UGT1A6: variants seen among roughly 807,000 people sequenced by gnomAD.
UGT1A6 encodes the protein UDP-glucuronosyltransferase 1A6.
UGT1A6 carries 32 observed loss-of-function variants against 44.4 expected under a neutral mutation model. The observed-to-expected ratio is 0.72, with a 90% CI of 0.54 to 0.97. The LOEUF is 0.97. UGT1A6 is among the 50% of genes least tolerant of loss of function. The probability of loss-of-function intolerance (pLI) is 0.00; values close to 1 mark genes in which losing one functional copy is unlikely to be tolerated. For synonymous variants in UGT1A6, 238 were observed against 248.5 expected (o/e 0.96, Z 0.40); for missense variants, 685 against 661.9 (o/e 1.03, Z -0.38).
At chr2:233,713,971 G>C (rs1303952104) in intron 1 of UGT1A6, 1 of 1,600,252 alleles carries the variant, frequency 6.2e-7, no homozygotes, top group Non-Finnish European at 8.5e-7. Flanking sequence ...TTTCATTTCT[G>C]CTTCTCATTG....
chr2:233,773,246 T>C lies in UGT1A6; in HGVS notation c.*687T>C, dbSNP rs1484380021. 6.6e-6 allele frequency: 1 copy of C among 152,366 alleles called. No homozygotes were observed. The highest frequency in any genetic ancestry group is 6.5e-5 in the Admixed American group (1 of 15,284). The allele number at this position is 152,366 out of a possible 1,614,324, so 9.4% of individuals were successfully genotyped here. The stretch of plus-strand genomic sequence containing the variant: ...TATGAAGTGCTGGGCAAGTTTACTT[T>C]TTTTCTGATGTTTCCTACAACTAAA... On this transcript the variant is annotated 3_prime_UTR_variant, in exon 5 of 5. Coordinates refer to ENST00000305139, the MANE Select transcript of UGT1A6 (RefSeq NM_001072.4).
At chr2:233,744,255 T>C (rs1692752332) in intron 1 of UGT1A6, among the ~76,000 whole-genome samples, 1 of 151,806 alleles carries the variant, frequency 6.6e-6, no homozygotes, top group African/African-American at 2.4e-5. Flanking sequence ...CCTGAAGAAC[T>C]GTTTTTCTTA....
intron 1 of UGT1A6, chr2:233,722,212 AT>A (rs2077000405): frequency 6.5e-6 from 1 of 153,656 alleles, no homozygotes; most frequent in African/African-American, 2.4e-5. Context: ...ATGAAAGATC[AT>A]TTACACCAAA....
At chr2:233,738,536 G>A (rs919833416) in intron 1 of UGT1A6, among the ~76,000 whole-genome samples, 2 of 152,222 alleles carry the variant, frequency 1.3e-5, no homozygotes, top group Non-Finnish European at 2.9e-5. Context: ...TGAAGTCCAG[G>A]CTGAGTCTCA....
intron 1 of UGT1A6, among the ~76,000 whole-genome samples, chr2:233,710,956 G>C (rs953635431): frequency 6.6e-6 from 1 of 152,214 alleles, no homozygotes. Context: ...ATGTCTCTGA[G>C]ATTGGCAGAG....
chr2:233,698,504 T>C (rs2125575821), intron 1 of UGT1A6, among the ~76,000 whole-genome samples: 2 of 152,244 alleles, frequency 1.3e-5, no homozygotes, highest in East Asian at 1.9e-4. Flanking sequence ...ATTAGGCAAA[T>C]CACATAATCG....
rs370892808 is a variant in UGT1A6, at chr2:233,760,466, T to C, written c.862-6568T>C. The stretch of plus-strand genomic sequence containing the variant: ...CAGAGGGGACATGAAATAGTTGTCC[T>C]AGCACCTGACGCCTCGTTGTACATC... On this transcript the variant is annotated intron_variant, in intron 1 of 4. Transcript: ENST00000305139. The C allele has an allele frequency of 1.9e-6, 3 of 1,614,232 alleles. No homozygotes were observed. The highest frequency in any genetic ancestry group is 1.7e-6 in the Non-Finnish European group (2 of 1,180,032).
chr2:233,713,745 G>C, intron 1 of UGT1A6: 1 of 1,613,988 alleles, frequency 6.2e-7, no homozygotes, highest in African/African-American at 1.3e-5. Flanking sequence ...TGTCAGCCAT[G>C]CATCTGTGTG....
Position 233,738,328 on chromosome 2 carries a change from T to C in UGT1A6, c.862-28706T>C, listed in dbSNP as rs1690764022. 1.3e-5 allele frequency among the ~76,000 whole-genome samples: 2 copies of C among 152,220 alleles called. 1 individual carries two copies. Among genetic ancestry groups the C allele is most frequent in the South Asian group, 4.1e-4 (2 of 4,828 alleles). On this transcript the variant is annotated intron_variant, in intron 1 of 4. Coordinates refer to ENST00000305139, the MANE Select transcript of UGT1A6 (RefSeq NM_001072.4). ...TTATAGCAGTGTGTGAATGGACTAA[T>C]ACAGTAAATTGGTGTCATGGAGAGT...
At chr2:233,726,426 T>C (rs554048011) in intron 1 of UGT1A6, among the ~76,000 whole-genome samples, 1 of 152,328 alleles carries the variant, frequency 6.6e-6, no homozygotes, top group East Asian at 1.9e-4. Flanking sequence ...TTCTGTCCAC[T>C]CTTAATCTTA....
chr2:233,734,413 C>G (rs1324994664), intron 1 of UGT1A6, among the ~76,000 whole-genome samples: 1 of 152,086 alleles, frequency 6.6e-6, no homozygotes, highest in Non-Finnish European at 1.5e-5. Flanking sequence ...ATTCTTCTCT[C>G]TTTTCTTCTT....
chr2:233,742,752 T>C (rs1692089245), intron 1 of UGT1A6: 2 of 152,902 alleles, frequency 1.3e-5, no homozygotes, highest in Admixed American at 1.3e-4. Flanking sequence ...CTCCAAAATA[T>C]TAAGATAATA....
At chr2:233,730,195 G>T (rs1056966798) in intron 1 of UGT1A6, among the ~76,000 whole-genome samples, 6 of 152,186 alleles carry the variant, frequency 3.9e-5, no homozygotes, top group Admixed American at 6.5e-5. Context: ...TCACTGAGAG[G>T]AAGAGGAAGT....
At position 233,769,829 on chromosome 2, in the gene UGT1A6, A is replaced by C; in HGVS notation, c.1301+1390A>C. 1.4e-6 allele frequency: 1 copy of C among 707,246 alleles called. No homozygotes were observed. Among genetic ancestry groups the C allele is most frequent in the East Asian group, 3.2e-5 (1 of 31,212 alleles). The allele number at this position is 707,246 out of a possible 1,614,324, so 43.8% of individuals were successfully genotyped here. On this transcript the variant is annotated intron_variant, in intron 4 of 4. Transcript: ENST00000305139. This position sits in a 1 kb window ranked among gnomAD's most constrained non-coding sequence, Gnocchi z 4.4. ...GTGATCATGCCACTGCACTCCAGCA[A>C]CCTGGGCAACAGAGTGAGACCCTGT...
chr2:233,755,373 C>T (rs534555830), intron 1 of UGT1A6: 63 of 357,550 alleles, frequency 1.8e-4, no homozygotes, highest in Non-Finnish European at 2.9e-4. Flanking sequence ...GCCTGGAGGG[C>T]CGCCCCTTAT....
intron 2 of UGT1A6, 41 bp downstream of exon 2, chr2:233,767,206 A>G: frequency 1.9e-6 from 3 of 1,613,184 alleles, no homozygotes; most frequent in Non-Finnish European, 2.5e-6. Context: ...CTATTTTCAC[A>G]GGAGCGCTAA....
intron 1 of UGT1A6, among the ~76,000 whole-genome samples, chr2:233,706,039 G>A (rs2075885693): frequency 6.6e-6 from 1 of 152,158 alleles, no homozygotes; most frequent in South Asian, 2.1e-4. Flanking sequence ...AGGTTGCAGT[G>A]AGCCGAGATC....
rs1386510659 is a variant in UGT1A6, at chr2:233,729,572, T to C, written c.861+35707T>C. The C allele has an allele frequency of 3.1e-6, 5 of 1,613,976 alleles. No homozygotes were observed. The Admixed American group carries it at 6.7e-5, about 22-fold the overall frequency. On this transcript the variant is annotated intron_variant, in intron 1 of 4. Transcript: ENST00000305139. ...CTGAATGCTACTTCCTTTGATGTGG[T>C]TTTAACAGACCCCGTTAACCTCTGC...
intron 1 of UGT1A6, among the ~76,000 whole-genome samples, chr2:233,742,133 C>T (rs1691882264): frequency 6.6e-6 from 1 of 151,894 alleles, no homozygotes; most frequent in African/African-American, 2.4e-5. Context: ...GAGACCCTAA[C>T]CCAGCAGCGC....
Sources: allele counts gnomAD v4.1 joint callset (sites outside exome capture counted in the v4.1 genomes callset), GRCh38; gene constraint gnomAD v4.1.1; non-coding constraint Gnocchi (gnomAD v3.1); transcripts MANE v1.5; gene names NCBI Gene and HGNC (gene_info 2026-07-23, HGNC 2026-07-21).